Variants in SLC6A11 observed in about 807,000 individuals in gnomAD.
SLC6A11 encodes the protein sodium- and chloride-dependent GABA transporter 3.
A neutral mutation model predicts 74.8 loss-of-function variants in SLC6A11; 25 were observed. That is an observed-to-expected ratio of 0.33 (90% confidence interval 0.24 to 0.47). The LOEUF (loss-of-function observed/expected upper bound fraction) is 0.47, where lower values mean the gene tolerates loss of function less well. Ranked by LOEUF, SLC6A11 falls within the 20% of genes least tolerant of loss-of-function variation. SLC6A11 has a pLI of 1.00. For missense variants in SLC6A11, 574 were observed against 837.0 expected, an observed-to-expected ratio of 0.69 and a Z score of 3.88; for synonymous variants, 330 against 330.2, an observed-to-expected ratio of 1.00 and a Z score of 0.01.
chr3:10,819,438 T>C, intron 1 of SLC6A11, 27 bp from the exon 2 acceptor site: 1 of 1,596,552 alleles, frequency 6.3e-7, no homozygotes, highest in Non-Finnish European at 8.5e-7. Context: ...GGGACAGTTT[T>C]CATTTCATTC....
chr3:10,935,170 G>C lies in SLC6A11; in HGVS notation c.1717G>C (p.Val573Leu), dbSNP rs762912572. 3.7e-5 allele frequency: 59 copies of C among 1,614,120 alleles called. No individual in the cohort carries two copies. The highest frequency in any genetic ancestry group is 4.7e-5 in the Non-Finnish European group (56 of 1,180,038). Residue 573 changes from valine to leucine, a missense_variant, in exon 13 of 14, where the codon GTG (valine) becomes CTG (leucine). Val to Leu is a conservative substitution (Grantham distance 32). Around this residue, in one of 4 missense-constraint regions of SLC6A11, gnomAD observed 257 missense variants for 341.5 expected, o/e 0.75. Transcript: ENST00000254488. Reference protein sequence around the residue: ...LCIPLWICITVWKTEGTLPEK... With the variant: ...LCIPLWICITLWKTEGTLPEK... The stretch of plus-strand genomic sequence containing the variant: ...CATCCCGCTCTGGATCTGCATCACA[G>C]TGTGGAAGACGGAGGGGACACTGCC...
intron 7 of SLC6A11, among the ~76,000 whole-genome samples, chr3:10,914,941 A>G (rs1051406807): frequency 1.3e-5 from 2 of 152,134 alleles, no homozygotes; most frequent in Non-Finnish European, 2.9e-5. Flanking sequence ...TGTCAGCACC[A>G]TGAGGACGTG....
At chr3:10,920,368 A>G (rs1218313803) in intron 8 of SLC6A11, among the ~76,000 whole-genome samples, 1 of 152,220 alleles carries the variant, frequency 6.6e-6, no homozygotes, top group East Asian at 1.9e-4. Flanking sequence ...TTTTTCATAC[A>G]TATGTAGCTA....
rs112827350 is a variant in SLC6A11, at chr3:10,895,586, T to C, written c.892-16504T>C. Among the ~76,000 whole-genome samples, 624 of 152,200 alleles carry C rather than the reference T, an allele frequency of 4.1e-3. 5 individuals are homozygous for C. The highest frequency in any genetic ancestry group is 0.014 in the African/African-American group (602 of 41,528). On this transcript the variant is annotated intron_variant, in intron 6 of 13. Transcript: ENST00000254488. Reference sequence around the variant, plus strand: ...ACACAGGGAGGAAAACAACACACACTGGGGCCTGTTGGGGGGATAGCGGGA... The same window carrying C: ...ACACAGGGAGGAAAACAACACACACCGGGGCCTGTTGGGGGGATAGCGGGA...
At chr3:10,862,660 A>G (rs778190548) in intron 5 of SLC6A11, among the ~76,000 whole-genome samples, 4 of 152,132 alleles carry the variant, frequency 2.6e-5, no homozygotes, top group Non-Finnish European at 4.4e-5. Context: ...AGCACATTCT[A>G]GATCAGGACT....
In SLC6A11 at chr3:10,926,812, C is replaced by T. The variant is rs1353172937; in HGVS notation, c.1233+696C>T. Among the ~76,000 whole-genome samples, 5 of 152,162 alleles carry T rather than the reference C, an allele frequency of 3.3e-5. No individual in the cohort carries two copies. The highest frequency in any genetic ancestry group is 1.9e-4 in the East Asian group (1 of 5,182). On this transcript the variant is annotated intron_variant, in intron 9 of 13. Transcript: ENST00000254488. This position sits in a 1 kb window ranked among gnomAD's most constrained non-coding sequence, Gnocchi z 5.7. ...ACTCCAGACTCCCATCCCAGGTCCC[C>T]GGCCTCTTTCCCAGACCATTCCCCC...
At chr3:10,890,047 A>G (rs781537685) in intron 6 of SLC6A11, among the ~76,000 whole-genome samples, 1 of 152,254 alleles carries the variant, frequency 6.6e-6, no homozygotes, top group African/African-American at 2.4e-5. Flanking sequence ...AATAAAATTT[A>G]CAACTCAGTT....
chr3:10,819,756 T>C lies in SLC6A11; in HGVS notation c.436T>C (p.Tyr146His). 6.2e-7 allele frequency: 1 copy of C among 1,614,232 alleles called. No homozygotes were observed. The highest frequency in any genetic ancestry group is 8.5e-7 in the Non-Finnish European group (1 of 1,180,024). ...TQVIEAHLNV[Y>H]YIIILAWAIF... ...GGTGATTGAGGCCCATCTGAATGTG[T>C]ACTACATCATCATCCTGGCATGGGC... The change falls in exon 3 of 14, where the codon TAC becomes CAC. Residue 146 changes from tyrosine (Y) to histidine (H), a missense_variant. By Grantham distance (83) the Tyr-to-His change is moderately conservative. Coordinates refer to ENST00000254488, the MANE Select transcript of SLC6A11 (RefSeq NM_014229.3).
At position 10,872,846 on chromosome 3, in the gene SLC6A11, T is replaced by C. The variant is rs574920759; in HGVS notation, c.757-2115T>C. Among the ~76,000 whole-genome samples, 28 of 152,144 alleles carry C rather than the reference T, an allele frequency of 1.8e-4. 1 individual carries two copies. Among genetic ancestry groups the C allele is most frequent in the South Asian group, 2.1e-4 (1 of 4,828 alleles). The stretch of plus-strand genomic sequence containing the variant: ...GGGCATAGACTCTTTATCTGGGAAA[T>C]TGGAGTCTCTGAACCAAAGCTTGCA... On this transcript the variant is annotated intron_variant, in intron 5 of 13. Coordinates refer to ENST00000254488, the MANE Select transcript of SLC6A11 (RefSeq NM_014229.3).
chr3:10,833,293 G>A (rs555970280), intron 4 of SLC6A11, among the ~76,000 whole-genome samples: 9 of 152,020 alleles, frequency 5.9e-5, no homozygotes, highest in East Asian at 1.9e-4. Flanking sequence ...AACTCCTGAC[G>A]TCAGGTAATC....
chr3:10,934,826 T>C (rs1695736998), intron 12 of SLC6A11, among the ~76,000 whole-genome samples: 1 of 152,208 alleles, frequency 6.6e-6, no homozygotes, highest in Non-Finnish European at 1.5e-5. Flanking sequence ...CCTGAGCATC[T>C]GTTGCCTGTG....
In SLC6A11 at chr3:10,926,728, C is replaced by T. The variant is rs1695613326; in HGVS notation, c.1233+612C>T. 6.6e-6 allele frequency among the ~76,000 whole-genome samples: 1 copy of T among 152,138 alleles called. No homozygotes were observed. The highest frequency in any genetic ancestry group is 2.4e-5 in the African/African-American group (1 of 41,418). On this transcript the variant is annotated intron_variant, in intron 9 of 13. Transcript: ENST00000254488. This position sits in a 1 kb window ranked among gnomAD's most constrained non-coding sequence, Gnocchi z 5.7. ...ACCTGGAGCTAGTAACTCACCCATG[C>T]ACTCGGTTTCCCTTTGTTGCCACAC...
intron 11 of SLC6A11, among the ~76,000 whole-genome samples, chr3:10,933,604 C>T (rs546751147): frequency 6.6e-6 from 1 of 152,326 alleles, no homozygotes; most frequent in Non-Finnish European, 1.5e-5. Flanking sequence ...CCATAGACAA[C>T]CACCTCAGGT....
chr3:10,909,489 G>A (rs902168673), intron 6 of SLC6A11, among the ~76,000 whole-genome samples: 1 of 152,174 alleles, frequency 6.6e-6, no homozygotes, highest in Non-Finnish European at 1.5e-5. Context: ...ACCATGTTAG[G>A]GGGAGGGTCC....
At chr3:10,931,853 C>T (rs1695692053) in intron 10 of SLC6A11, among the ~76,000 whole-genome samples, 2 of 152,196 alleles carry the variant, frequency 1.3e-5, no homozygotes, top group Admixed American at 1.3e-4. Flanking sequence ...AAGACATGAA[C>T]GAGTCCCATG....
chr3:10,932,721 CCA>C (rs1487493181), intron 10 of SLC6A11, among the ~76,000 whole-genome samples: 2 of 152,246 alleles, frequency 1.3e-5, no homozygotes, highest in African/African-American at 4.8e-5. Flanking sequence ...CTTTAAACTA[CCA>C]CGTGTTTGGT....
intron 4 of SLC6A11, among the ~76,000 whole-genome samples, chr3:10,842,441 C>A (rs533790221): frequency 6.6e-6 from 1 of 152,292 alleles, no homozygotes; most frequent in South Asian, 2.1e-4. Context: ...GCCCAGGGAT[C>A]ATGCTCTGGG....
rs549226075 is a variant in SLC6A11 at position 10,838,529 on chromosome 3, A to T, written c.624-5685A>T. Among the ~76,000 whole-genome samples, 3 of 152,316 alleles carry T rather than the reference A, an allele frequency of 2.0e-5. No homozygotes were observed. In the South Asian group the frequency reaches 6.2e-4, roughly 32 times the overall value. Reference sequence around the variant, plus strand: ...TTTGGGAAGCCAGGATAGGAGGATCACTTGAGGTCAGGAGTTCAAGACCAG... The same window carrying T: ...TTTGGGAAGCCAGGATAGGAGGATCTCTTGAGGTCAGGAGTTCAAGACCAG... On this transcript the variant is annotated intron_variant, in intron 4 of 13. Coordinates refer to ENST00000254488, the MANE Select transcript of SLC6A11 (RefSeq NM_014229.3).
intron 4 of SLC6A11, among the ~76,000 whole-genome samples, chr3:10,838,444 T>C (rs866771190): frequency 6.6e-6 from 1 of 152,164 alleles, no homozygotes; most frequent in South Asian, 2.1e-4. Context: ...CAGAAGAACT[T>C]GGTTTCAACT....
Sources: gnomAD v4.1 joint callset for allele counts (sites outside exome capture counted in the v4.1 genomes callset) on GRCh38, gnomAD v4.1.1 for gene constraint, gnomAD v4.1.1 regional missense constraint, Gnocchi (gnomAD v3.1) non-coding constraint, MANE v1.5 for transcripts, NCBI Gene and HGNC (gene_info 2026-07-23, HGNC 2026-07-21) for gene names.